Variants in TTC39B observed in about 807,000 individuals in gnomAD.
TTC39B encodes tetratricopeptide repeat protein 39B.
TTC39B carries 92 observed loss-of-function variants against 96.6 expected under a neutral mutation model. The observed-to-expected ratio is 0.95, with a 90% confidence interval of 0.80 to 1.13. TTC39B has a LOEUF of 1.13. TTC39B is among the 50% of genes most tolerant of loss of function. The probability of loss-of-function intolerance (pLI) is 0.00; values close to 1 mark genes in which losing one functional copy is unlikely to be tolerated. For missense variants in TTC39B, 955 were observed against 809.3 expected (o/e 1.18, Z -2.18); for synonymous variants, 367 against 299.4 (o/e 1.23, Z -2.33).
intron 4 of TTC39B, 115 bp from the exon 5 acceptor site, chr9:15,211,512 T>C: frequency 1.0e-6 from 1 of 961,066 alleles, no homozygotes; most frequent in African/African-American, 1.7e-5. Flanking sequence ...TTCACCATAA[T>C]CACTGAAATT....
intron 5 of TTC39B, among the ~76,000 whole-genome samples, chr9:15,210,386 C>T (rs764784481): frequency 1.1e-4 from 17 of 152,226 alleles, no homozygotes; most frequent in South Asian, 2.1e-4. Flanking sequence ...CTGAACACCA[C>T]GTGGGGAAAC....
At chr9:15,287,532 T>C (rs1824017046) in intron 1 of TTC39B, among the ~76,000 whole-genome samples, 1 of 152,172 alleles carries the variant, frequency 6.6e-6, no homozygotes, top group Non-Finnish European at 1.5e-5. Context: ...GCCTAATCTA[T>C]TGCCATGTGG....
At chr9:15,198,385 A>AGGC (rs1465584171) in intron 8 of TTC39B, among the ~76,000 whole-genome samples, 1 of 151,246 alleles carries the variant, frequency 6.6e-6, no homozygotes, top group Non-Finnish European at 1.5e-5. Flanking sequence ...TGAACCCAGG[A>AGGC]GGCAGAGGTT....
rs548410277 is a variant in TTC39B, at chr9:15,306,591, G to A, written c.240+493C>T. ...CCCTCTACTCATTGTTCCTCAGGCT[G>A]CCCCCTCTTTTCATCAATCGTAAGC... is the stretch of plus-strand genomic sequence containing the variant. On this transcript the variant is annotated intron_variant, in intron 1 of 19. Coordinates refer to ENST00000512701, the Ensembl canonical transcript of TTC39B. The surrounding 1 kb of genome is among the most constrained non-coding windows in gnomAD (Gnocchi z 5.1). 9.9e-5 allele frequency among the ~76,000 whole-genome samples: 15 copies of A among 152,262 alleles called. No homozygotes were observed. Among genetic ancestry groups the A allele is most frequent in the African/African-American group, 3.1e-4 (13 of 41,560 alleles).
At chr9:15,303,008 A>G (rs1486828849) in intron 1 of TTC39B, among the ~76,000 whole-genome samples, 1 of 152,078 alleles carries the variant, frequency 6.6e-6, no homozygotes, top group Non-Finnish European at 1.5e-5. Context: ...TCTCTACTAA[A>G]AATACAAAAA....
At position 15,247,902 on chromosome 9, in the gene TTC39B, T is replaced by G. The variant is rs77851497; in HGVS notation, c.275+20012A>C. ...CCAACCAACCTATGACTAAGGGACA[T>G]AATCCAGCAGCTTCAAGGAGCACAG... On this transcript the variant is annotated intron_variant, in intron 2 of 19. Coordinates refer to ENST00000512701, the Ensembl canonical transcript of TTC39B. Among the ~76,000 whole-genome samples the G allele has an allele frequency of 5.9e-3, 891 of 151,552 alleles. 1 individual carries two copies. The highest frequency in any genetic ancestry group is 0.021 in the African/African-American group (858 of 41,282).
intron 1 of TTC39B, among the ~76,000 whole-genome samples, chr9:15,302,587 T>C (rs1184128017): frequency 7.0e-6 from 1 of 143,064 alleles, no homozygotes; most frequent in Non-Finnish European, 1.5e-5. Context: ...CTCACACCTG[T>C]AATCCCAGCA....
chr9:15,166,343 T>C (rs1394974237), exon 20 of TTC39B: 1 of 152,196 alleles, frequency 6.6e-6, no homozygotes, highest in Non-Finnish European at 1.5e-5. Flanking sequence ...ATGGGTACAT[T>C]GTAAGCAGAA....
intron 2 of TTC39B, among the ~76,000 whole-genome samples, chr9:15,233,014 G>A (rs113420110): frequency 1.3e-5 from 2 of 152,198 alleles, no homozygotes; most frequent in South Asian, 4.1e-4. Flanking sequence ...AGGAGACATG[G>A]CATTTGTGGA....
At chr9:15,207,979 G>A (rs1325873359) in intron 6 of TTC39B, among the ~76,000 whole-genome samples, 1 of 88,574 alleles carries the variant, frequency 1.1e-5, no homozygotes, top group Admixed American at 1.2e-4. Context: ...GTGAGACTTG[G>A]TCTCAAAAAA....
intron 2 of TTC39B, among the ~76,000 whole-genome samples, chr9:15,234,308 C>CG (rs573936998): frequency 0.19 from 27,793 of 142,928 alleles, 2,796 homozygotes; most frequent in African/African-American, 0.22. Flanking sequence ...GGAGGGAAGT[C>CG]GGGGGGTCAG....
intron 1 of TTC39B, among the ~76,000 whole-genome samples, chr9:15,291,736 A>G (rs758661281): frequency 6.6e-6 from 1 of 152,154 alleles, no homozygotes; most frequent in African/African-American, 2.4e-5. Context: ...AGTCTCAAGT[A>G]GGACAAAGAA....
intron 2 of TTC39B, among the ~76,000 whole-genome samples, chr9:15,256,020 A>C (rs1490266849): frequency 6.6e-6 from 1 of 152,186 alleles, no homozygotes; most frequent in Non-Finnish European, 1.5e-5. Context: ...GCTATGGTTT[A>C]ATGTTTGTGT....
intron 10 of TTC39B, 46 bp from the exon 11 acceptor site, chr9:15,190,708 A>G (rs1818808969): frequency 1.4e-6 from 2 of 1,480,450 alleles, no homozygotes; most frequent in Non-Finnish European, 1.9e-6. Flanking sequence ...AGACTGGAAA[A>G]TCATATTCAG....
At chr9:15,194,930 G>A (rs1819067940) in intron 8 of TTC39B, among the ~76,000 whole-genome samples, 1 of 152,194 alleles carries the variant, frequency 6.6e-6, no homozygotes, top group Admixed American at 6.5e-5. Context: ...AATTAGGCCA[G>A]TTGGTAACTC....
exon 20 of TTC39B, chr9:15,166,179 G>A (rs920399010): frequency 1.3e-5 from 2 of 152,084 alleles, no homozygotes; most frequent in African/African-American, 4.8e-5. Context: ...TATTCAACAA[G>A]TTTCACATAA....
chr9:15,254,581 G>C (rs900287137), intron 2 of TTC39B, among the ~76,000 whole-genome samples: 10 of 151,898 alleles, frequency 6.6e-5, no homozygotes, highest in Admixed American at 4.6e-4. Flanking sequence ...CCTTATACAA[G>C]TTTAGTAACT....
At chr9:15,235,179 G>A (rs545204037) in intron 2 of TTC39B, among the ~76,000 whole-genome samples, 1 of 152,168 alleles carries the variant, frequency 6.6e-6, no homozygotes, top group South Asian at 2.1e-4. Context: ...AGAGCTTAAA[G>A]ACCTCCAATT....
rs961075668 is a variant in TTC39B, at chr9:15,187,031, G to A, written c.1400C>T (p.Thr467Ile). ...AATTGCTGCTTTCAAGAACACATAA[G>A]TTGCCTTGAGAAAAAGAAGGAGCTT... The change falls in exon 15 of 20, where the codon ACT becomes ATT. Residue 467 changes from threonine (T) to isoleucine (I), a missense_variant. By Grantham distance (89) the Thr-to-Ile change is moderately conservative. Coordinates refer to ENST00000512701, the Ensembl canonical transcript of TTC39B. 5.0e-6 allele frequency: 8 copies of A among 1,609,970 alleles called. No homozygotes were observed. The African/African-American group carries it at 9.4e-5, about 19-fold the overall frequency.
Sources: gnomAD v4.1 joint callset for allele counts (sites outside exome capture counted in the v4.1 genomes callset) on GRCh38, gnomAD v4.1.1 for gene constraint, Gnocchi (gnomAD v3.1) non-coding constraint, MANE v1.5 for transcripts, NCBI Gene and HGNC (gene_info 2026-07-23, HGNC 2026-07-21) for gene names.